CA6: variants seen among roughly 807,000 people sequenced by gnomAD.
CA6 encodes carbonic anhydrase 6, also known as carbonate dehydratase VI.
Under a neutral mutation model 35.9 loss-of-function variants are expected in CA6, and 28 were observed. The observed-to-expected ratio is 0.78, with a 90% CI of 0.58 to 1.07. CA6 has a LOEUF of 1.07. Ranked by LOEUF, CA6 falls within the 50% of genes least tolerant of loss-of-function variation. The probability of loss-of-function intolerance (pLI) is 0.00; values close to 1 mark genes in which losing one functional copy is unlikely to be tolerated. For missense variants in CA6, 377 were observed against 382.0 expected (o/e 0.99, Z 0.11); for synonymous variants, 148 against 152.6 (o/e 0.97, Z 0.22).
At chr1:8,951,220 G>T (rs898764192) in intron 2 of CA6, among the ~76,000 whole-genome samples, 84 of 61,330 alleles carry the variant, frequency 1.4e-3, no homozygotes, top group Middle Eastern at 9.1e-3. Context: ...CCATCTCAAA[G>T]AAAAAAAAAA....
At chr1:8,972,951 G>A (rs981936192) in intron 7 of CA6, among the ~76,000 whole-genome samples, 2 of 152,060 alleles carry the variant, frequency 1.3e-5, no homozygotes, top group Admixed American at 1.3e-4. Flanking sequence ...CCCTTTGTCC[G>A]AAAGTGATGT....
intron 4 of CA6, 129 bp downstream of exon 4, chr1:8,959,131 G>C: frequency 1.5e-6 from 1 of 645,746 alleles, no homozygotes; most frequent in Non-Finnish European, 2.8e-6. Flanking sequence ...ACAGTTCTTG[G>C]AAACATTGAC....
At chr1:8,961,228 C>T (rs1237378924) in intron 4 of CA6, among the ~76,000 whole-genome samples, 1 of 152,094 alleles carries the variant, frequency 6.6e-6, no homozygotes, top group East Asian at 1.9e-4. Context: ...AAAATAATAC[C>T]AGACGGTTAA....
rs4908801 is a variant in CA6 at position 8,973,565 on chromosome 1, C to G, written c.845-1057C>G. On this transcript the variant is annotated intron_variant, in intron 7 of 7. Transcript: ENST00000377443. ...TCCACTAAGAATCGCTGTTTAGGAT[C>G]GATTACTTCAACTCCCAGTTCAGCA... Among the ~76,000 whole-genome samples the G allele has an allele frequency of 1.6e-3, 240 of 152,182 alleles. 2 individuals are homozygous for G. The highest frequency in any genetic ancestry group is 4.6e-3 in the Admixed American group (71 of 15,272).
chr1:8,955,771 C>T (rs909161010), intron 2 of CA6, among the ~76,000 whole-genome samples: 2 of 152,256 alleles, frequency 1.3e-5, no homozygotes, highest in African/African-American at 4.8e-5. Flanking sequence ...GGCCGGATTA[C>T]TGCATTATAG....
At position 8,950,917 on chromosome 1, in the gene CA6, A is replaced by G. The variant is rs185592323; in HGVS notation, c.259+1475A>G. On this transcript the variant is annotated intron_variant, in intron 2 of 7. Transcript: ENST00000377443. ...GGACTTAGTGTTCTTATCTTGCACA[A>G]TCAAGAAAATAAAACCAGCCTGGTG... 3.4e-4 allele frequency among the ~76,000 whole-genome samples: 52 copies of G among 152,246 alleles called. 1 individual carries two copies. The highest frequency in any genetic ancestry group is 1.2e-3 in the African/African-American group (51 of 41,522).
chr1:8,971,565 C>T (rs1640111996), intron 7 of CA6, among the ~76,000 whole-genome samples: 1 of 152,128 alleles, frequency 6.6e-6, no homozygotes, highest in African/African-American at 2.4e-5. Context: ...CCCACCTCGG[C>T]CTCCCAAAGT....
At chr1:8,973,775 TCTTTCTTTC>T in intron 7 of CA6, among the ~76,000 whole-genome samples, 1 of 17,118 alleles carries the variant, frequency 5.8e-5, no homozygotes, top group South Asian at 3.6e-3. Flanking sequence ...TTTCTTTCTT[TCTTTCTTTC>T]TTTTCCCTCC....
At chr1:8,964,237 TTC>T (rs1207556084) in intron 5 of CA6, among the ~76,000 whole-genome samples, 71 of 151,690 alleles carry the variant, frequency 4.7e-4, no homozygotes, top group Middle Eastern at 3.4e-3. Context: ...CATCGTTGAT[TTC>T]TCTCTCTCTC....
At position 8,973,871 on chromosome 1, in the gene CA6, G is replaced by A. The variant is rs371645204; in HGVS notation, c.845-751G>A. On this transcript the variant is annotated intron_variant, in intron 7 of 7. Coordinates refer to ENST00000377443, the MANE Select transcript of CA6 (RefSeq NM_001215.4). ...TGACAGAGTCTTGCTCTGTTGCCCA[G>A]ACTGGAGTGCAATGGCGCAATCTTG... Among the ~76,000 whole-genome samples, 12 of 150,008 alleles carry A rather than the reference G, an allele frequency of 8.0e-5. No individual in the cohort carries two copies. In the East Asian group the frequency reaches 1.6e-3, roughly 20 times the overall value.
chr1:8,973,080 A>G (rs1413873648), intron 7 of CA6, among the ~76,000 whole-genome samples: 1 of 152,100 alleles, frequency 6.6e-6, no homozygotes, highest in African/African-American at 2.4e-5. Context: ...GCAGTGGTGC[A>G]ATCTCATGGG....
At chr1:8,974,068 A>G (rs1640202083) in intron 7 of CA6, among the ~76,000 whole-genome samples, 2 of 151,716 alleles carry the variant, frequency 1.3e-5, no homozygotes, top group Non-Finnish European at 2.9e-5. Flanking sequence ...CAAGCAATCC[A>G]CCCACTTCAG....
chr1:8,960,976 T>G (rs1330028965), intron 4 of CA6, among the ~76,000 whole-genome samples: 1 of 152,068 alleles, frequency 6.6e-6, no homozygotes, highest in Admixed American at 6.6e-5. Context: ...AAAATCAAAC[T>G]GTTGAAAGCA....
At chr1:8,971,719 A>G (rs1333005706) in intron 7 of CA6, among the ~76,000 whole-genome samples, 1 of 152,224 alleles carries the variant, frequency 6.6e-6, no homozygotes, top group African/African-American at 2.4e-5. Context: ...AAGTGGAGTT[A>G]ACTAGACCAC....
chr1:8,973,960 G>C (rs1346932660), intron 7 of CA6, among the ~76,000 whole-genome samples: 2 of 151,868 alleles, frequency 1.3e-5, no homozygotes, highest in African/African-American at 4.8e-5. Context: ...CCAAGTAGCT[G>C]GGAGTAGCAT....
chr1:8,954,488 C>G lies in CA6; in HGVS notation c.260-2649C>G, dbSNP rs909672678. ...CCTATTCCTTTATTTTCTTAATAAACTTGCTTTCACTTTATTCTGTGGACT... is the reference window on the plus strand; with the variant it reads ...CCTATTCCTTTATTTTCTTAATAAAGTTGCTTTCACTTTATTCTGTGGACT... On this transcript the variant is annotated intron_variant, in intron 2 of 7. Transcript: ENST00000377443. 4.7e-4 allele frequency among the ~76,000 whole-genome samples: 71 copies of G among 151,884 alleles called. 1 individual carries two copies. The highest frequency in any genetic ancestry group is 5.1e-4 in the Non-Finnish European group (35 of 67,968).
At chr1:8,949,065 C>T (rs962293146) in intron 1 of CA6, among the ~76,000 whole-genome samples, 198 bp from the exon 2 acceptor site, 1 of 152,092 alleles carries the variant, frequency 6.6e-6, no homozygotes, top group Non-Finnish European at 1.5e-5. Context: ...AGCACCAAAG[C>T]CCCCCAAACA....
intron 3 of CA6, among the ~76,000 whole-genome samples, chr1:8,957,614 T>C (rs1311735504): frequency 6.6e-6 from 1 of 151,934 alleles, no homozygotes; most frequent in Admixed American, 6.6e-5. Flanking sequence ...GTGCTGGGAT[T>C]ATAGGCGTGA....
chr1:8,963,063 G>T lies in CA6; in HGVS notation c.571+407G>T, dbSNP rs1207668248. Among the ~76,000 whole-genome samples, 1 of 152,090 alleles carries T rather than the reference G, an allele frequency of 6.6e-6. No homozygotes were observed. Among genetic ancestry groups the T allele is most frequent in the Admixed American group, 6.6e-5 (1 of 15,256 alleles). On this transcript the variant is annotated intron_variant, in intron 5 of 7. Coordinates refer to ENST00000377443, the MANE Select transcript of CA6 (RefSeq NM_001215.4). The surrounding 1 kb of genome is among the most constrained non-coding windows in gnomAD (Gnocchi z 4.1). ...ATACCACTTGGACATCCAGACACTC[G>T]GGGTGTTCTTCCGTCCCCTCTCCTC...
Sources: gnomAD v4.1 joint callset for allele counts (sites outside exome capture counted in the v4.1 genomes callset) on GRCh38, gnomAD v4.1.1 for gene constraint, Gnocchi (gnomAD v3.1) non-coding constraint, MANE v1.5 for transcripts, NCBI Gene and HGNC (gene_info 2026-07-23, HGNC 2026-07-21) for gene names.